The following KLF13 variants were observed in gnomAD, a reference collection of about 807,000 sequenced individuals.
The protein encoded by KLF13 is Krueppel-like factor 13.
In KLF13, 8 loss-of-function variants were observed where a neutral mutation model predicts 16.7. That is an observed-to-expected ratio of 0.48 (90% confidence interval 0.28 to 0.87). KLF13 has a LOEUF of 0.87. KLF13 is among the 40% of genes least tolerant of loss of function. KLF13 has a pLI of 0.10. For missense variants in KLF13, 447 were observed against 452.2 expected (o/e 0.99, Z 0.10); for synonymous variants, 245 against 208.4 (o/e 1.18, Z -1.51).
At chr15:31,384,565 T>G (rs1429593871) in intron 1 of KLF13, among the ~76,000 whole-genome samples, 1 of 152,180 alleles carries the variant, frequency 6.6e-6, no homozygotes, top group Non-Finnish European at 1.5e-5. Flanking sequence ...ATCACTTTTG[T>G]CATTAAAACT....
intron 1 of KLF13, among the ~76,000 whole-genome samples, chr15:31,363,563 T>C (rs1566818040): frequency 7.2e-5 from 11 of 152,246 alleles, no homozygotes. Flanking sequence ...CTCAGCTCAC[T>C]GCAACCTCTG....
At chr15:31,368,068 T>C (rs575013174) in intron 1 of KLF13, among the ~76,000 whole-genome samples, 244 of 149,642 alleles carry the variant, frequency 1.6e-3, no homozygotes, top group Non-Finnish European at 3.1e-3. Flanking sequence ...CCTCCCCTCT[T>C]CTCCATGCTC....
intron 1 of KLF13, among the ~76,000 whole-genome samples, chr15:31,412,751 C>A (rs1391038950): frequency 1.3e-5 from 2 of 152,192 alleles, no homozygotes; most frequent in African/African-American, 2.4e-5. Flanking sequence ...AGCTTCCAAT[C>A]TCTTCTCATT....
upstream of KLF13, among the ~76,000 whole-genome samples, chr15:31,392,533 G>C (rs2039886769): frequency 6.6e-6 from 1 of 152,216 alleles, no homozygotes; most frequent in South Asian, 2.1e-4. Flanking sequence ...CGCATCCTGG[G>C]TCCTCTACGC....
At chr15:31,429,105 G>A (rs1254192255) in intron 1 of KLF13, among the ~76,000 whole-genome samples, 2 of 152,158 alleles carry the variant, frequency 1.3e-5, no homozygotes, top group South Asian at 4.1e-4. Context: ...AGTCTTCTAA[G>A]GATGGGGCGC....
chr15:31,411,426 C>T (rs144246168), intron 1 of KLF13, among the ~76,000 whole-genome samples: 2,572 of 146,624 alleles, frequency 0.018, 92 homozygotes, highest in African/African-American at 0.061. Flanking sequence ...GATGGAGTCT[C>T]GCTCTGTCGC....
At chr15:31,406,217 C>T (rs2040127240), downstream of KLF13, among the ~76,000 whole-genome samples, 1 of 152,188 alleles carries the variant, frequency 6.6e-6, no homozygotes, top group Non-Finnish European at 1.5e-5. Flanking sequence ...CAGTGGCTTA[C>T]ACCTATAATA....
intron 2 of KLF13, among the ~76,000 whole-genome samples, chr15:31,398,279 C>T (rs529875450): frequency 2.3e-4 from 35 of 152,282 alleles, no homozygotes; most frequent in Non-Finnish European, 4.3e-4. Flanking sequence ...AAGGAAACAG[C>T]CCAGGTGTTA....
At chr15:31,430,115 C>T (rs2040454661) in intron 1 of KLF13, among the ~76,000 whole-genome samples, 1 of 152,042 alleles carries the variant, frequency 6.6e-6, no homozygotes, top group African/African-American at 2.4e-5. Context: ...CCAAACAGCA[C>T]TAATGATAAA....
chr15:31,332,237 C>T (rs991765505), intron 1 of KLF13, among the ~76,000 whole-genome samples: 1 of 152,198 alleles, frequency 6.6e-6, no homozygotes, highest in South Asian at 2.1e-4. Flanking sequence ...AGAGACCACA[C>T]TTGTTAGTCC....
At chr15:31,337,984 A>C (rs1224388991) in intron 1 of KLF13, among the ~76,000 whole-genome samples, 1 of 152,192 alleles carries the variant, frequency 6.6e-6, no homozygotes. Context: ...TCACAGGTGT[A>C]GAGCTGCTGT....
At chr15:31,395,292 T>C (rs1229401776) in intron 2 of KLF13, among the ~76,000 whole-genome samples, 1 of 152,190 alleles carries the variant, frequency 6.6e-6, no homozygotes, top group African/African-American at 2.4e-5. Context: ...TACTCACTAT[T>C]ATGGCTTGAT....
At chr15:31,410,617 A>G in intron 1 of KLF13, among the ~76,000 whole-genome samples, 1 of 106,750 alleles carries the variant, frequency 9.4e-6, no homozygotes, top group South Asian at 3.5e-4. Context: ...ACACACACAC[A>G]CACACACACC....
rs2038723613 is a variant in KLF13, at chr15:31,327,138, C to G, written c.-75C>G. 4.2e-6 allele frequency: 5 copies of G among 1,195,448 alleles called. No individual in the cohort carries two copies. The East Asian group carries it at 1.9e-4, about 46-fold the overall frequency. The allele number at this position is 1,195,448 out of a possible 1,614,324, so 74.1% of individuals were successfully genotyped here. On this transcript the variant is annotated 5_prime_UTR_variant, in exon 1 of 2. Coordinates refer to ENST00000307145, the MANE Select transcript of KLF13 (RefSeq NM_015995.4). ...GCCGCGCCCCCGCCCCCCGCCCGCTCTCCCGAGGCCGTGGGTGCGGATGCG... is the reference window on the plus strand; with the variant it reads ...GCCGCGCCCCCGCCCCCCGCCCGCTGTCCCGAGGCCGTGGGTGCGGATGCG...
chr15:31,340,584 A>T (rs1377451471), intron 1 of KLF13, among the ~76,000 whole-genome samples: 1 of 152,220 alleles, frequency 6.6e-6, no homozygotes, highest in Non-Finnish European at 1.5e-5. Flanking sequence ...TGGAAAATAT[A>T]CTTTTTTAGT....
At chr15:31,411,257 A>G (rs1264065722) in intron 1 of KLF13, among the ~76,000 whole-genome samples, 1 of 152,162 alleles carries the variant, frequency 6.6e-6, no homozygotes, top group African/African-American at 2.4e-5. Flanking sequence ...GCAATATATA[A>G]ATCTTTTTTT....
At chr15:31,382,914 A>G (rs981568107) in intron 1 of KLF13, among the ~76,000 whole-genome samples, 4 of 152,256 alleles carry the variant, frequency 2.6e-5, no homozygotes, top group Non-Finnish European at 4.4e-5. Context: ...CAAGGAGCTC[A>G]GTCTGGGTGT....
rs1344920972 is a variant in KLF13, at chr15:31,334,218, T to C, written c.577+6429T>C. The stretch of plus-strand genomic sequence containing the variant: ...TGAATGAAAATGGCTCCAGATGGTA[T>C]TAATAGCCAGCTCAAGGGTAACTGT... On this transcript the variant is annotated intron_variant, in intron 1 of 1. Transcript: ENST00000307145. 2.0e-5 allele frequency among the ~76,000 whole-genome samples: 3 copies of C among 152,174 alleles called. No individual in the cohort carries two copies. The East Asian group carries it at 5.8e-4, about 29-fold the overall frequency.
intron 1 of KLF13, among the ~76,000 whole-genome samples, chr15:31,356,387 C>G (rs1054122012): frequency 2.6e-5 from 4 of 152,190 alleles, no homozygotes; most frequent in Non-Finnish European, 5.9e-5. Context: ...AACCCTGTCT[C>G]TACTAAAATA....
Sources: allele counts gnomAD v4.1 joint callset (sites outside exome capture counted in the v4.1 genomes callset), GRCh38; gene constraint gnomAD v4.1.1; transcripts MANE v1.5; gene names NCBI Gene and HGNC (gene_info 2026-07-23, HGNC 2026-07-21).